Variants in SAE1 observed in about 807,000 individuals in gnomAD.
SAE1 encodes SUMO-activating enzyme subunit 1.
A neutral mutation model predicts 40.6 loss-of-function variants in SAE1; 11 were observed. The ratio of observed to expected loss-of-function variants is 0.27; its 90% confidence interval spans 0.17 to 0.45. The LOEUF (loss-of-function observed/expected upper bound fraction) is 0.45. Among genes scored for constraint, SAE1 ranks in the 20% least tolerant of loss-of-function variants. The probability of loss-of-function intolerance (pLI) is 1.00; values close to 1 mark genes in which losing one functional copy is unlikely to be tolerated. For synonymous variants in SAE1, 155 were observed against 154.3 expected, an observed-to-expected ratio of 1.00 and a Z score of -0.03; for missense variants, 373 against 427.3, an observed-to-expected ratio of 0.87 and a Z score of 1.12.
chr19:47,160,631 G>A (rs1045622442), intron 5 of SAE1, among the ~76,000 whole-genome samples: 2 of 151,966 alleles, frequency 1.3e-5, no homozygotes, highest in South Asian at 2.1e-4. Flanking sequence ...TCCTGACCTC[G>A]TGATCCGCCC....
At chr19:47,197,080 C>T (rs2058620817) in intron 6 of SAE1, among the ~76,000 whole-genome samples, 153 bp from the exon 7 acceptor site, 1 of 151,722 alleles carries the variant, frequency 6.6e-6, no homozygotes, top group Admixed American at 6.6e-5. Context: ...ACTCAGGAGG[C>T]TGAGGCAGAA....
chr19:47,196,113 T>G (rs1194472141), intron 6 of SAE1, among the ~76,000 whole-genome samples: 2 of 150,766 alleles, frequency 1.3e-5, no homozygotes, highest in South Asian at 4.2e-4. Flanking sequence ...TGGCACGATC[T>G]TGGCTCACTG....
chr19:47,182,322 G>C (rs1187125633), intron 6 of SAE1, among the ~76,000 whole-genome samples: 1 of 152,124 alleles, frequency 6.6e-6, no homozygotes, highest in East Asian at 1.9e-4. Flanking sequence ...TTGGTGTCCA[G>C]TAATGACAAA....
chr19:47,195,333 G>A (rs2058606957), intron 6 of SAE1, among the ~76,000 whole-genome samples: 1 of 152,094 alleles, frequency 6.6e-6, no homozygotes, highest in Non-Finnish European at 1.5e-5. Flanking sequence ...TGGATTACAG[G>A]CGTGAGCCAC....
At chr19:47,203,007 G>C (rs1291975261) in intron 7 of SAE1, among the ~76,000 whole-genome samples, 1 of 152,192 alleles carries the variant, frequency 6.6e-6, no homozygotes, top group African/African-American at 2.4e-5. Flanking sequence ...AGTTTGCTTG[G>C]TGAGCACACA....
chr19:47,163,971 G>T (rs1453945216), intron 5 of SAE1, among the ~76,000 whole-genome samples: 1 of 151,534 alleles, frequency 6.6e-6, no homozygotes, highest in Non-Finnish European at 1.5e-5. Context: ...TTTTCACCTT[G>T]TTCGCCAGGC....
intron 5 of SAE1, among the ~76,000 whole-genome samples, chr19:47,166,289 G>C (rs2058391835): frequency 6.6e-6 from 1 of 152,164 alleles, no homozygotes; most frequent in African/African-American, 2.4e-5. Flanking sequence ...ATGGGGGCCA[G>C]CTTTCCCGAT....
At chr19:47,150,454 G>A (rs2058281503) in intron 3 of SAE1, 79 bp downstream of exon 3, 3 of 1,139,360 alleles carry the variant, frequency 2.6e-6, no homozygotes, top group Middle Eastern at 4.6e-4. Context: ...AAATCCCAAA[G>A]CAATCTGAGA....
intron 4 of SAE1, among the ~76,000 whole-genome samples, chr19:47,154,509 T>TTTTTTG (rs1170158203): frequency 7.1e-5 from 9 of 126,534 alleles, no homozygotes; most frequent in African/African-American, 2.6e-4. Context: ...TTTTTTTTTT[T>TTTTTTG]TCTGAGACAG....
chr19:47,139,525 C>G (rs905912036), intron 1 of SAE1, among the ~76,000 whole-genome samples: 2 of 151,242 alleles, frequency 1.3e-5, no homozygotes, highest in Non-Finnish European at 2.9e-5. Context: ...GTGGCTCAGA[C>G]TAGAGTGGTG....
intron 3 of SAE1, among the ~76,000 whole-genome samples, chr19:47,151,625 A>G (rs1056796072): frequency 2.0e-5 from 3 of 152,126 alleles, no homozygotes; most frequent in African/African-American, 7.2e-5. Context: ...TCATATGTGC[A>G]TCTGTTCAAA....
intron 7 of SAE1, among the ~76,000 whole-genome samples, chr19:47,200,210 A>G (rs938283458): frequency 6.7e-5 from 10 of 148,334 alleles, no homozygotes; most frequent in Admixed American, 5.4e-4. Context: ...TGGGATTACA[A>G]GTGTGAGCCA....
At chr19:47,188,067 G>T (rs1281522178) in intron 6 of SAE1, among the ~76,000 whole-genome samples, 2 of 152,022 alleles carry the variant, frequency 1.3e-5, no homozygotes, top group Non-Finnish European at 2.9e-5. Context: ...CCACAAACTG[G>T]GCAGGGCATG....
rs933665051 is a variant in SAE1 at position 47,185,947 on chromosome 19, A to G, written c.734-11286A>G. Among the ~76,000 whole-genome samples the G allele has an allele frequency of 4.0e-5, 6 of 150,492 alleles. No homozygotes were observed. In the South Asian group the frequency reaches 8.6e-4, roughly 22 times the overall value. Reference sequence around the variant, plus strand: ...GAGTGCCGACATAACACTCAAAAAAATGCTTATTGGCCCCGGGCGTGGTGG... The same window carrying G: ...GAGTGCCGACATAACACTCAAAAAAGTGCTTATTGGCCCCGGGCGTGGTGG... On this transcript the variant is annotated intron_variant, in intron 6 of 8. Transcript: ENST00000270225.
chr19:47,198,861 A>G (rs2058633563), intron 7 of SAE1, among the ~76,000 whole-genome samples: 1 of 152,134 alleles, frequency 6.6e-6, no homozygotes, highest in South Asian at 2.1e-4. Flanking sequence ...TGAGGCAGGC[A>G]GATTGCTTTG....
intron 7 of SAE1, among the ~76,000 whole-genome samples, chr19:47,199,390 CAAAAAAAA>C (rs35275499): frequency 1.1e-4 from 6 of 56,300 alleles, no homozygotes; most frequent in Admixed American, 2.1e-4. Context: ...GACTCCTTCT[CAAAAAAAA>C]AAAAAAAAAA....
chr19:47,146,613 T>C (rs935787752), intron 2 of SAE1, among the ~76,000 whole-genome samples: 1 of 152,184 alleles, frequency 6.6e-6, no homozygotes, highest in Non-Finnish European at 1.5e-5. Flanking sequence ...ACAACACATC[T>C]GAGATCAAGG....
At chr19:47,157,157 GT>G (rs1568592340) in intron 5 of SAE1, among the ~76,000 whole-genome samples, 1 of 152,172 alleles carries the variant, frequency 6.6e-6, no homozygotes, top group Non-Finnish European at 1.5e-5. Context: ...CTCATTTTGT[GT>G]TTGTGTTGGA....
At chr19:47,195,094 G>T (rs1342203284) in intron 6 of SAE1, among the ~76,000 whole-genome samples, 1 of 145,684 alleles carries the variant, frequency 6.9e-6, no homozygotes, top group Admixed American at 6.9e-5. Flanking sequence ...TCACTCTGTT[G>T]CCCAGGCTGG....
Sources: gnomAD v4.1 joint callset for allele counts (sites outside exome capture counted in the v4.1 genomes callset) on GRCh38, gnomAD v4.1.1 for gene constraint, MANE v1.5 for transcripts, NCBI Gene and HGNC (gene_info 2026-07-23, HGNC 2026-07-21) for gene names.